The following ZNF536 variants were observed in gnomAD, a reference collection of about 807,000 sequenced individuals.
The protein encoded by ZNF536 is zinc finger protein 536.
ZNF536 carries 13 observed loss-of-function variants against 84.5 expected under a neutral mutation model. The ratio of observed to expected loss-of-function variants is 0.15; its 90% confidence interval spans 0.10 to 0.24. The LOEUF (loss-of-function observed/expected upper bound fraction) is 0.24. Among genes scored for constraint, ZNF536 ranks in the 10% least tolerant of loss-of-function variants. The pLI, the probability that ZNF536 is intolerant of heterozygous loss-of-function variation, is 1.00. For synonymous variants in ZNF536, 811 were observed against 742.5 expected (o/e 1.09, Z -1.50); for missense variants, 1,536 against 1,747.5 (o/e 0.88, Z 2.16).
At chr19:30,570,139 G>T (rs2046492372) in intron 1 of ZNF536, among the ~76,000 whole-genome samples, 1 of 152,204 alleles carries the variant, frequency 6.6e-6, no homozygotes, top group Non-Finnish European at 1.5e-5. Context: ...ACAGAGGGGA[G>T]AACCAGGCCT....
intron 2 of ZNF536, among the ~76,000 whole-genome samples, chr19:30,519,812 C>G (rs1277064501): frequency 1.3e-5 from 2 of 152,214 alleles, no homozygotes; most frequent in Non-Finnish European, 2.9e-5. Context: ...CCAGGAGGCT[C>G]TAAGGGACAC....
chr19:30,444,614 G>A lies in ZNF536; in HGVS notation c.1052G>A (p.Gly351Asp). The A allele has an allele frequency of 1.9e-6, 3 of 1,613,930 alleles. No individual in the cohort carries two copies. The highest frequency in any genetic ancestry group is 2.5e-6 in the Non-Finnish European group (3 of 1,180,050). ...AACGAGTTCCGCTGCGAGGTGTGCGGTCAGGTGTTCAGCCAGGCGTGGTTC... is the reference window on the plus strand; with the variant it reads ...AACGAGTTCCGCTGCGAGGTGTGCGATCAGGTGTTCAGCCAGGCGTGGTTC... ...SANEFRCEVCGQVFSQAWFLK... is the reference protein window; with the variant it reads ...SANEFRCEVCDQVFSQAWFLK... The change falls in exon 2 of 5, where the codon GGT becomes GAT. Residue 351 changes from glycine (G) to aspartate (D), a missense_variant. Gly to Asp is a moderately conservative substitution (Grantham distance 94). This residue lies in a region of ZNF536 where 25 missense variants were observed against 78.9 expected (regional missense o/e 0.32). Coordinates refer to ENST00000355537, the MANE Select transcript of ZNF536 (RefSeq NM_014717.3).
At chr19:30,250,451 G>T (rs2024543119) in intron 1 of ZNF536, among the ~76,000 whole-genome samples, 1 of 152,162 alleles carries the variant, frequency 6.6e-6, no homozygotes, top group African/African-American at 2.4e-5. Context: ...GTGATTTCGG[G>T]TGTTGGGGCA....
intron 2 of ZNF536, among the ~76,000 whole-genome samples, chr19:30,522,981 G>C (rs942951486): frequency 5.9e-5 from 9 of 152,144 alleles, no homozygotes; most frequent in Non-Finnish European, 1.2e-4. Context: ...GCGAAGCTCA[G>C]TGGCAGCCTG....
At chr19:30,504,779 G>A (rs950073591) in intron 2 of ZNF536, among the ~76,000 whole-genome samples, 3 of 151,852 alleles carry the variant, frequency 2.0e-5, no homozygotes, top group Non-Finnish European at 4.4e-5. Context: ...GGGTTTGCAT[G>A]CCTACTCTCC....
intron 1 of ZNF536, among the ~76,000 whole-genome samples, chr19:30,584,807 C>T (rs2047040721): frequency 6.6e-6 from 1 of 152,172 alleles, no homozygotes; most frequent in Non-Finnish European, 1.5e-5. Flanking sequence ...ACTTTAGAGA[C>T]AGTCTTGGTT....
At position 30,445,722 on chromosome 19, in the gene ZNF536, A is replaced by G; in HGVS notation, c.2160A>G (p.Pro720=). The change falls in exon 2 of 5, where the codon CCA becomes CCG. Residue 720 remains proline, a synonymous_variant. Transcript: ENST00000355537. The surrounding 1 kb of genome is among the most constrained non-coding windows in gnomAD (Gnocchi z 4.5). The part of the protein sequence containing the change: ...AQEDSPHPSS[P]SSSDIGEEAG... Reference sequence around the variant, plus strand: ...AGGACAGCCCGCACCCCTCCTCGCCATCCTCCTCAGGTAGGTTAGCTGAGA... The same window carrying G: ...AGGACAGCCCGCACCCCTCCTCGCCGTCCTCCTCAGGTAGGTTAGCTGAGA... The G allele has an allele frequency of 6.4e-7, 1 of 1,560,876 alleles. No homozygotes were observed. The highest frequency in any genetic ancestry group is 1.2e-5 in the South Asian group (1 of 82,562).
At chr19:30,270,803 A>T (rs1292358310) in intron 1 of ZNF536, among the ~76,000 whole-genome samples, 1 of 149,966 alleles carries the variant, frequency 6.7e-6, no homozygotes, top group South Asian at 2.1e-4. Flanking sequence ...ATGTGCTAGC[A>T]TACGTAATTT....
chr19:30,632,993 C>G (rs910265201), intron 1 of ZNF536, among the ~76,000 whole-genome samples: 5 of 152,198 alleles, frequency 3.3e-5, no homozygotes, highest in Non-Finnish European at 7.3e-5. Context: ...GACATGCCTG[C>G]TTGTGAGAGT....
chr19:30,350,952 AT>A (rs771355866), intron 2 of ZNF536, among the ~76,000 whole-genome samples: 29 of 152,216 alleles, frequency 1.9e-4, no homozygotes, highest in Non-Finnish European at 3.2e-4. Flanking sequence ...AACGTGGGGC[AT>A]TAATACATTA....
intron 3 of ZNF536, among the ~76,000 whole-genome samples, chr19:30,536,002 A>G (rs1428935250): frequency 2.6e-5 from 4 of 152,244 alleles, no homozygotes; most frequent in East Asian, 1.9e-4. Flanking sequence ...CACCGAGGGA[A>G]GCCTGAGGAC....
chr19:30,485,411 A>G (rs1194123208), intron 2 of ZNF536, among the ~76,000 whole-genome samples: 1 of 152,174 alleles, frequency 6.6e-6, no homozygotes, highest in Non-Finnish European at 1.5e-5. Flanking sequence ...GAACATTTCT[A>G]TCATCCCAGA....
At chr19:30,596,669 A>AG (rs1009879432) in intron 1 of ZNF536, among the ~76,000 whole-genome samples, 7 of 152,046 alleles carry the variant, frequency 4.6e-5, no homozygotes, top group African/African-American at 1.7e-4. Flanking sequence ...AGCTGCAAAA[A>AG]GGGAAAAAAA....
intron 2 of ZNF536, among the ~76,000 whole-genome samples, chr19:30,330,405 CTTTG>C (rs1195523294): frequency 2.0e-5 from 3 of 152,132 alleles, no homozygotes; most frequent in African/African-American, 4.8e-5. Flanking sequence ...TTACATCTGC[CTTTG>C]TTTGGTGAGA....
intron 1 of ZNF536, among the ~76,000 whole-genome samples, chr19:30,700,892 A>G (rs974300947): frequency 3.3e-5 from 5 of 152,170 alleles, no homozygotes; most frequent in Admixed American, 3.3e-4. Flanking sequence ...CTGGTTGTGC[A>G]GCTCTGGGAG....
intron 1 of ZNF536, among the ~76,000 whole-genome samples, chr19:30,688,706 A>G (rs566718982): frequency 4.3e-4 from 65 of 152,222 alleles, no homozygotes; most frequent in African/African-American, 1.6e-3. Context: ...TGAAACCCCC[A>G]CTTAATACTG....
chr19:30,623,056 G>GC (rs2048548607), intron 1 of ZNF536, among the ~76,000 whole-genome samples: 1 of 32,804 alleles, frequency 3.0e-5, no homozygotes, highest in African/African-American at 1.5e-4. Flanking sequence ...TTGTTTTTTT[G>GC]AGATGGGATC....
chr19:30,467,692 G>A (rs1293608732), intron 2 of ZNF536, among the ~76,000 whole-genome samples: 1 of 152,192 alleles, frequency 6.6e-6, no homozygotes. Flanking sequence ...AGAGGCCAGC[G>A]GGACCTCTTT....
At chr19:30,282,677 G>C (rs1012656825) in intron 1 of ZNF536, among the ~76,000 whole-genome samples, 1 of 152,170 alleles carries the variant, frequency 6.6e-6, no homozygotes, top group East Asian at 1.9e-4. Flanking sequence ...CCGGCTGGGT[G>C]CTGGGGACCT....
Sources: gnomAD v4.1 joint callset for allele counts (sites outside exome capture counted in the v4.1 genomes callset) on GRCh38, gnomAD v4.1.1 for gene constraint, gnomAD v4.1.1 regional missense constraint, Gnocchi (gnomAD v3.1) non-coding constraint, MANE v1.5 for transcripts, NCBI Gene and HGNC (gene_info 2026-07-23, HGNC 2026-07-21) for gene names.